The following CNIH3 variants were observed in gnomAD, a reference collection of about 807,000 sequenced individuals.
The protein encoded by CNIH3 is cornichon family AMPA receptor auxiliary protein 3, also known as protein cornichon homolog 3.
A neutral mutation model predicts 24.1 loss-of-function variants in CNIH3; 14 were observed. The observed-to-expected ratio is 0.58, with a 90% CI of 0.38 to 0.91. The LOEUF is 0.91. Ranked by LOEUF, CNIH3 falls within the 40% of genes least tolerant of loss-of-function variation. The pLI is 0.00. For missense variants in CNIH3, 178 were observed against 196.8 expected, an observed-to-expected ratio of 0.90 and a Z score of 0.57; for synonymous variants, 68 against 73.8, an observed-to-expected ratio of 0.92 and a Z score of 0.40.
chr1:224,711,659 G>C (rs1478607367), intron 3 of CNIH3, among the ~76,000 whole-genome samples: 3 of 151,480 alleles, frequency 2.0e-5, no homozygotes, highest in African/African-American at 7.3e-5. Flanking sequence ...GCCAGGTATG[G>C]TGGTACCCGC....
At chr1:224,506,275 G>GCA (rs1399105355) in intron 1 of CNIH3, among the ~76,000 whole-genome samples, 21 of 39,572 alleles carry the variant, frequency 5.3e-4, no homozygotes, top group Admixed American at 2.9e-3. Flanking sequence ...GCACACGCGC[G>GCA]CGCGCGCGCG....
intron 3 of CNIH3, among the ~76,000 whole-genome samples, chr1:224,548,170 A>G (rs1679777352): frequency 6.6e-6 from 1 of 151,942 alleles, no homozygotes; most frequent in East Asian, 1.9e-4. Context: ...ATTTTTTGTA[A>G]TATCTAAGGG....
Position 224,498,838 on chromosome 1 carries a change from C to T in CNIH3, n.204-16903C>T, listed in dbSNP as rs564773612. Among the ~76,000 whole-genome samples, 12 of 152,264 alleles carry T rather than the reference C, an allele frequency of 7.9e-5. No homozygotes were observed. The South Asian group carries it at 1.9e-3, about 24-fold the overall frequency. On this transcript the variant is annotated intron_variant and non_coding_transcript_variant, in intron 1 of 5. Coordinates refer to the CNIH3 transcript ENST00000471578. The stretch of plus-strand genomic sequence containing the variant: ...TGCAACAGTGCAGCAGAAAGGGCAG[C>T]GGGGAAAGGCGACAGGAAGAGGAAT...
intron 1 of CNIH3, among the ~76,000 whole-genome samples, chr1:224,634,136 C>T (rs1683965414): frequency 6.6e-6 from 1 of 152,202 alleles, no homozygotes; most frequent in South Asian, 2.1e-4. Flanking sequence ...TGAAAACGTC[C>T]CCTGGCCGTG....
At chr1:224,607,120 T>C (rs1486055729) in intron 3 of CNIH3, among the ~76,000 whole-genome samples, 1 of 152,240 alleles carries the variant, frequency 6.6e-6, no homozygotes, top group Non-Finnish European at 1.5e-5. Context: ...TACAAGGGCA[T>C]GCAAAGCAAC....
chr1:224,714,902 A>G (rs1187132016), intron 3 of CNIH3, among the ~76,000 whole-genome samples: 1 of 152,220 alleles, frequency 6.6e-6, no homozygotes, highest in African/African-American at 2.4e-5. Flanking sequence ...ATTTCAAATG[A>G]AAACCTAATG....
chr1:224,549,983 G>T (rs978084485), intron 3 of CNIH3, among the ~76,000 whole-genome samples: 1 of 152,046 alleles, frequency 6.6e-6, no homozygotes, highest in Admixed American at 6.6e-5. Context: ...ATATCAGAGC[G>T]ATTATATGTC....
At chr1:224,452,547 C>G (rs990988891) in intron 1 of CNIH3, among the ~76,000 whole-genome samples, 1 of 147,886 alleles carries the variant, frequency 6.8e-6, no homozygotes, top group South Asian at 2.2e-4. Flanking sequence ...TTTGGGAGGC[C>G]AAGGTGGGCG....
intron 1 of CNIH3, among the ~76,000 whole-genome samples, chr1:224,668,607 A>G (rs1247582421): frequency 1.3e-5 from 2 of 152,188 alleles, no homozygotes; most frequent in African/African-American, 4.8e-5. Flanking sequence ...TAGGCTGGCC[A>G]TGGACCCTTG....
chr1:224,506,670 G>T (rs749044552), intron 1 of CNIH3, among the ~76,000 whole-genome samples: 1 of 152,154 alleles, frequency 6.6e-6, no homozygotes, highest in Non-Finnish European at 1.5e-5. Context: ...CAAGCCACGT[G>T]TCTAGCAGCC....
chr1:224,619,347 G>A (rs540803252), intron 1 of CNIH3, among the ~76,000 whole-genome samples: 1 of 152,324 alleles, frequency 6.6e-6, no homozygotes, highest in South Asian at 2.1e-4. Context: ...CCTTATCGAG[G>A]GGTGGCTGAA....
At chr1:224,669,242 A>G (rs957283646) in intron 1 of CNIH3, among the ~76,000 whole-genome samples, 2 of 151,970 alleles carry the variant, frequency 1.3e-5, no homozygotes, top group Non-Finnish European at 2.9e-5. Context: ...GTTTCCTGTT[A>G]ACTAGATGGG....
intron 3 of CNIH3, among the ~76,000 whole-genome samples, chr1:224,597,706 C>A (rs1682044671): frequency 6.6e-6 from 1 of 152,136 alleles, no homozygotes; most frequent in Non-Finnish European, 1.5e-5. Flanking sequence ...TCATCTGTAT[C>A]ATTTGTCATA....
chr1:224,634,535 G>A (rs779124834), intron 1 of CNIH3, among the ~76,000 whole-genome samples: 17 of 151,198 alleles, frequency 1.1e-4, no homozygotes, highest in East Asian at 3.9e-4. Context: ...ATTGTGCCAC[G>A]GCACTCCAGC....
chr1:224,679,232 C>G (rs1438389526), intron 1 of CNIH3, among the ~76,000 whole-genome samples: 1 of 151,620 alleles, frequency 6.6e-6, no homozygotes, highest in East Asian at 1.9e-4. Flanking sequence ...CCTAGCTACT[C>G]GAGAAGCTGA....
In CNIH3 at chr1:224,453,626, A is replaced by ATT. The variant is rs35000156; in HGVS notation, n.203+18777_203+18778dup. On this transcript the variant is annotated intron_variant and non_coding_transcript_variant, in intron 1 of 5. Coordinates refer to the CNIH3 transcript ENST00000471578. ...TGTTGCATGCCTTTGACAAGGTGGGATTTTTTTTTTTTTTAATTTTTAGAG... is the reference window on the plus strand; with the variant it reads ...TGTTGCATGCCTTTGACAAGGTGGGATTTTTTTTTTTTTTTTAATTTTTAGAG... Among the ~76,000 whole-genome samples the ATT allele has an allele frequency of 1.2e-3, 178 of 147,116 alleles. 1 individual carries two copies. The highest frequency in any genetic ancestry group is 4.2e-3 in the East Asian group (21 of 4,994).
At chr1:224,520,867 A>G (rs1029356584) in intron 1 of CNIH3, 1 of 152,180 alleles carries the variant, frequency 6.6e-6, no homozygotes, top group Admixed American at 6.5e-5. Context: ...AAGCCTGAAA[A>G]CCAATGGCTT....
At position 224,707,292 on chromosome 1, in the gene CNIH3, T is replaced by C. The variant is rs187712478; in HGVS notation, c.198+22449T>C. 2.7e-4 allele frequency among the ~76,000 whole-genome samples: 41 copies of C among 152,310 alleles called. No individual in the cohort carries two copies. The East Asian group carries it at 7.3e-3, about 27-fold the overall frequency. The stretch of plus-strand genomic sequence containing the variant: ...TCTGACCACAGGAAAGAAAAGTTCA[T>C]TTTAATCAAAGTTTAAGCACAATGT... On this transcript the variant is annotated intron_variant, in intron 3 of 5. Coordinates refer to ENST00000272133, the MANE Select transcript of CNIH3 (RefSeq NM_152495.2).
At chr1:224,624,399 A>G (rs77305346) in intron 1 of CNIH3, among the ~76,000 whole-genome samples, 8,575 of 151,882 alleles carry the variant, frequency 0.056, 307 homozygotes, top group East Asian at 0.15. Context: ...CCCGACACTG[A>G]CCTGTGTGTC....
Sources: gnomAD v4.1 joint callset for allele counts (sites outside exome capture counted in the v4.1 genomes callset) on GRCh38, gnomAD v4.1.1 for gene constraint, MANE v1.5 for transcripts, NCBI Gene and HGNC (gene_info 2026-07-23, HGNC 2026-07-21) for gene names.